Variants in ZNF385B observed in about 807,000 individuals in gnomAD.
ZNF385B encodes zinc finger protein 533.
In ZNF385B, 23 loss-of-function variants were observed where a neutral mutation model predicts 39.2. The ratio of observed to expected loss-of-function variants is 0.59; its 90% CI spans 0.42 to 0.83. ZNF385B has a LOEUF of 0.83. Among genes scored for constraint, ZNF385B ranks in the 40% least tolerant of loss-of-function variants. The pLI, the probability that ZNF385B is intolerant of heterozygous loss-of-function variation, is 0.00. For missense variants in ZNF385B, 552 were observed against 598.9 expected (o/e 0.92, Z 0.82); for synonymous variants, 205 against 222.6 (o/e 0.92, Z 0.70).
At chr2:179,545,043 A>T in intron 3 of ZNF385B, 74 bp from the exon 4 acceptor site, 1 of 1,597,374 alleles carries the variant, frequency 6.3e-7, no homozygotes, top group Non-Finnish European at 8.6e-7. Flanking sequence ...ACAGTGCAAG[A>T]ACAAGTCTGT....
intron 5 of ZNF385B, among the ~76,000 whole-genome samples, chr2:179,503,742 C>T (rs1374274142): frequency 1.3e-5 from 2 of 151,268 alleles, no homozygotes; most frequent in South Asian, 2.1e-4. Context: ...TTTTTTTGTC[C>T]TTGTGATAGT....
intron 3 of ZNF385B, among the ~76,000 whole-genome samples, chr2:179,759,618 A>G (rs1185297527): frequency 6.6e-6 from 1 of 152,092 alleles, no homozygotes; most frequent in African/African-American, 2.4e-5. Context: ...TTTTTCTTGA[A>G]TAATTTGAAA....
intron 3 of ZNF385B, among the ~76,000 whole-genome samples, chr2:179,732,100 T>G (rs150240913): frequency 6.6e-6 from 1 of 152,222 alleles, no homozygotes; most frequent in Non-Finnish European, 1.5e-5. Flanking sequence ...TCTGAACCTA[T>G]TAAAACTGTC....
chr2:179,690,187 GT>G (rs1698248469), intron 3 of ZNF385B, among the ~76,000 whole-genome samples: 1 of 152,162 alleles, frequency 6.6e-6, no homozygotes, highest in African/African-American at 2.4e-5. Flanking sequence ...CAGAGGGAGT[GT>G]GTCGCCTTCC....
At position 179,665,383 on chromosome 2, in the gene ZNF385B, G is replaced by A. The variant is rs74567995; in HGVS notation, c.298+104120C>T. 8.0e-3 allele frequency among the ~76,000 whole-genome samples: 1,222 copies of A among 152,254 alleles called. 13 individuals carry two copies. Among genetic ancestry groups the A allele is most frequent in the African/African-American group, 0.027 (1,128 of 41,536 alleles). On this transcript the variant is annotated intron_variant, in intron 3 of 9. Coordinates refer to ENST00000410066, the MANE Select transcript of ZNF385B (RefSeq NM_152520.6). Reference sequence around the variant, plus strand: ...TCAGAGAGGTGATGACGAGAATCCAGCTCAGAGACTGGCTTACATGCATGA... The same window carrying A: ...TCAGAGAGGTGATGACGAGAATCCAACTCAGAGACTGGCTTACATGCATGA...
At chr2:179,848,205 C>T (rs1309101629) in intron 1 of ZNF385B, among the ~76,000 whole-genome samples, 1 of 152,182 alleles carries the variant, frequency 6.6e-6, no homozygotes. Context: ...ACTCTGCTAG[C>T]AGGCTGCACA....
At position 179,791,913 on chromosome 2, in the gene ZNF385B, A is replaced by G. The variant is rs529688466; in HGVS notation, c.-154-21241T>C. Among the ~76,000 whole-genome samples, 7 of 152,218 alleles carry G rather than the reference A, an allele frequency of 4.6e-5. No individual in the cohort carries two copies. In the South Asian group the frequency reaches 1.2e-3, roughly 27 times the overall value. On this transcript the variant is annotated intron_variant, in intron 1 of 9. Coordinates refer to ENST00000410066, the MANE Select transcript of ZNF385B (RefSeq NM_152520.6). ...CTGAGATTACAGGTGCCTTGCCACC[A>G]TGCCCAGCTAATTGTTTTTTGTATT...
intron 3 of ZNF385B, among the ~76,000 whole-genome samples, chr2:179,660,796 AAAG>A (rs1238707305): frequency 6.6e-6 from 1 of 152,214 alleles, no homozygotes; most frequent in African/African-American, 2.4e-5. Flanking sequence ...TCTGGGCCCA[AAAG>A]AAGAATACAT....
chr2:179,597,869 A>G (rs922225210), intron 3 of ZNF385B, among the ~76,000 whole-genome samples: 1 of 152,186 alleles, frequency 6.6e-6, no homozygotes, highest in Non-Finnish European at 1.5e-5. Context: ...AATTAACCAT[A>G]TGAAAAACTC....
intron 3 of ZNF385B, among the ~76,000 whole-genome samples, chr2:179,689,783 ATGTGTGTGTGTG>A (rs112957152): frequency 3.2e-3 from 420 of 130,098 alleles, no homozygotes; most frequent in African/African-American, 7.3e-3. Context: ...GGGCAGGGGC[ATGTGTGTGTGTG>A]TGTGTGTGTG....
intron 3 of ZNF385B, among the ~76,000 whole-genome samples, chr2:179,748,425 G>T (rs1004339552): frequency 7.2e-5 from 11 of 152,178 alleles, no homozygotes; most frequent in Non-Finnish European, 1.5e-4. Context: ...GTATTTCAGA[G>T]GGAGGCAAAA....
At chr2:179,490,978 T>C (rs2055160500) in intron 5 of ZNF385B, among the ~76,000 whole-genome samples, 1 of 152,220 alleles carries the variant, frequency 6.6e-6, no homozygotes, top group African/African-American at 2.4e-5. Context: ...TCATCTTCTT[T>C]TATAAATAAG....
At chr2:179,825,218 G>C (rs866955029) in intron 1 of ZNF385B, among the ~76,000 whole-genome samples, 29 of 152,260 alleles carry the variant, frequency 1.9e-4, no homozygotes, top group African/African-American at 7.0e-4. Flanking sequence ...ATCAGATTAT[G>C]TCTAATCTAA....
intron 3 of ZNF385B, among the ~76,000 whole-genome samples, chr2:179,627,020 T>TA (rs987268567): frequency 2.0e-5 from 3 of 152,190 alleles, no homozygotes; most frequent in Non-Finnish European, 4.4e-5. Context: ...ACTTAATTGT[T>TA]ACTGTGTACT....
intron 1 of ZNF385B, among the ~76,000 whole-genome samples, chr2:179,812,066 A>T (rs1706768704): frequency 6.6e-6 from 1 of 152,186 alleles, no homozygotes; most frequent in Admixed American, 6.5e-5. Flanking sequence ...CATCAGAGAA[A>T]TGCAAATTAA....
At chr2:179,451,720 A>T (rs538894633) in intron 6 of ZNF385B, among the ~76,000 whole-genome samples, 2 of 152,256 alleles carry the variant, frequency 1.3e-5, no homozygotes, top group Non-Finnish European at 2.9e-5. Context: ...AAATTTGAAA[A>T]GTCACTGATA....
intron 1 of ZNF385B, among the ~76,000 whole-genome samples, chr2:179,808,323 C>A (rs1706523980): frequency 6.6e-6 from 1 of 152,208 alleles, no homozygotes; most frequent in African/African-American, 2.4e-5. Context: ...TGAGCCACCG[C>A]ACCCGGCCTA....
chr2:179,546,645 TC>T (rs1259381910), intron 3 of ZNF385B, among the ~76,000 whole-genome samples: 1 of 152,210 alleles, frequency 6.6e-6, no homozygotes, highest in East Asian at 1.9e-4. Flanking sequence ...TTAGTTTGCT[TC>T]CAAATCTTGG....
intron 3 of ZNF385B, among the ~76,000 whole-genome samples, chr2:179,553,976 T>C: frequency 6.7e-6 from 1 of 149,154 alleles, no homozygotes; most frequent in Non-Finnish European, 1.5e-5. Flanking sequence ...AGCACTGCTT[T>C]CTTGTGCAAC....
Sources: allele counts gnomAD v4.1 joint callset (sites outside exome capture counted in the v4.1 genomes callset), GRCh38; gene constraint gnomAD v4.1.1; transcripts MANE v1.5; gene names NCBI Gene and HGNC (gene_info 2026-07-23, HGNC 2026-07-21).